The following HSPA12A variants were observed in gnomAD, a reference collection of about 807,000 sequenced individuals.
HSPA12A encodes heat shock protein family A (Hsp70) member 12A, also known as heat shock 70 kDa protein 12A.
Under a neutral mutation model 69.2 loss-of-function variants are expected in HSPA12A, and 28 were observed. The observed-to-expected ratio is 0.40, with a 90% CI of 0.30 to 0.55. HSPA12A has a LOEUF of 0.55. Ranked by LOEUF, HSPA12A falls within the 20% of genes least tolerant of loss-of-function variation. HSPA12A has a pLI of 0.38. For missense variants in HSPA12A, 686 were observed against 900.7 expected (o/e 0.76, Z 3.05); for synonymous variants, 345 against 370.5 (o/e 0.93, Z 0.79).
In HSPA12A at chr10:116,676,424, G is replaced by A. The variant is rs181977065; in HGVS notation, c.1365C>T (p.Thr455=). 4.8e-5 allele frequency: 77 copies of A among 1,613,902 alleles called. No homozygotes were observed. Among genetic ancestry groups the A allele is most frequent in the Non-Finnish European group, 6.0e-5 (71 of 1,179,954 alleles). ...PDAMNALFKP[T]IDSIIEHLRD... is the part of the protein sequence containing the mutation. ...GGAGATGCTCAATGATGCTATCGAT[G>A]GTCGGCTTAAAAAGGGCGTTCATGG... Residue 455 remains threonine, a synonymous_variant, in exon 11 of 12, where the codon ACC becomes ACT. Transcript: ENST00000369209.
At chr10:116,740,637 CGTGTGT>C (rs60427815) in intron 1 of HSPA12A, among the ~76,000 whole-genome samples, 3,652 of 137,644 alleles carry the variant, frequency 0.027, 100 homozygotes, top group African/African-American at 0.075. Flanking sequence ...CTCCCAGCAC[CGTGTGT>C]GTGTGTGTGT....
At chr10:116,841,713 A>T (rs184429588) in intron 1 of HSPA12A, among the ~76,000 whole-genome samples, 7 of 152,284 alleles carry the variant, frequency 4.6e-5, no homozygotes, top group African/African-American at 1.7e-4. Context: ...GCTAAAAAAA[A>T]TACTGAGAAT....
At chr10:116,709,938 A>G (rs1342132358) in intron 1 of HSPA12A, among the ~76,000 whole-genome samples, 3 of 152,370 alleles carry the variant, frequency 2.0e-5, no homozygotes, top group Middle Eastern at 3.4e-3. Flanking sequence ...TCTGATTTCT[A>G]TTAGCACCCA....
intron 2 of HSPA12A, among the ~76,000 whole-genome samples, chr10:116,768,238 G>C (rs1159109301): frequency 6.6e-6 from 1 of 152,214 alleles, no homozygotes; most frequent in Admixed American, 6.5e-5. Flanking sequence ...CTAAGTGAAA[G>C]AAGCCAGATG....
rs369540871 is a variant in HSPA12A at position 116,733,395 on chromosome 10, G to A, written c.40+9035C>T. On this transcript the variant is annotated intron_variant, in intron 1 of 11. Transcript: ENST00000369209. ...TTCCCTGTCCCAAACAGAACCAGCC[G>A]CCTGGGTACAGGAACCACTGTTCCT... Among the ~76,000 whole-genome samples, 141 of 152,302 alleles carry A rather than the reference G, an allele frequency of 9.3e-4. 2 individuals carry two copies. The South Asian group carries it at 0.027, about 29-fold the overall frequency.
At chr10:116,781,377 T>C (rs1362023158) in intron 2 of HSPA12A, among the ~76,000 whole-genome samples, 1 of 152,168 alleles carries the variant, frequency 6.6e-6, no homozygotes, top group Non-Finnish European at 1.5e-5. Context: ...ATGATGATGA[T>C]GATGAATGCC....
chr10:116,705,414 C>G (rs146048370), intron 2 of HSPA12A, 136 bp from the exon 3 acceptor site: 1 of 1,089,914 alleles, frequency 9.2e-7, no homozygotes, highest in African/African-American at 1.5e-5. Flanking sequence ...CAGCTCAAGT[C>G]TACCACCTGG....
intron 4 of HSPA12A, 89 bp from the exon 5 acceptor site, chr10:116,698,828 G>T: frequency 1.0e-6 from 1 of 989,640 alleles, no homozygotes; most frequent in East Asian, 2.4e-5. Context: ...GGGACCTAGA[G>T]GATCCTGGTG....
intron 2 of HSPA12A, among the ~76,000 whole-genome samples, chr10:116,802,239 A>G (rs1196655391): frequency 6.6e-6 from 1 of 152,202 alleles, no homozygotes; most frequent in Non-Finnish European, 1.5e-5. Context: ...AGAGTAGGAC[A>G]ATAATCAGTG....
chr10:116,771,305 C>T (rs953222932), intron 2 of HSPA12A, among the ~76,000 whole-genome samples: 5 of 152,216 alleles, frequency 3.3e-5, no homozygotes, highest in Non-Finnish European at 5.9e-5. Context: ...CATCAGCAGC[C>T]GCTGGCTGTG....
chr10:116,711,102 A>G (rs1302054691), intron 1 of HSPA12A, among the ~76,000 whole-genome samples: 4 of 152,220 alleles, frequency 2.6e-5, no homozygotes, highest in African/African-American at 9.6e-5. Context: ...GGAATGCCCT[A>G]TACATACCAA....
intron 2 of HSPA12A, among the ~76,000 whole-genome samples, chr10:116,807,197 C>A (rs1319844589): frequency 6.6e-6 from 1 of 151,672 alleles, no homozygotes; most frequent in Non-Finnish European, 1.5e-5. Context: ...TCGGTGGGCT[C>A]AGCCAGTGCA....
At chr10:116,848,529 C>T (rs1344269302) in intron 1 of HSPA12A, among the ~76,000 whole-genome samples, 1 of 152,160 alleles carries the variant, frequency 6.6e-6, no homozygotes, top group Non-Finnish European at 1.5e-5. Flanking sequence ...TGTAACTGAT[C>T]TGCTTAGGTA....
chr10:116,767,720 C>T (rs1375787452), intron 2 of HSPA12A, among the ~76,000 whole-genome samples: 2 of 152,226 alleles, frequency 1.3e-5, no homozygotes, highest in African/African-American at 4.8e-5. Context: ...GGGGCTTTAA[C>T]CAAAATCCCA....
chr10:116,682,973 G>C (rs1172521662), intron 7 of HSPA12A, among the ~76,000 whole-genome samples: 2 of 151,260 alleles, frequency 1.3e-5, no homozygotes, highest in Non-Finnish European at 2.9e-5. Context: ...AAAGTGCTGG[G>C]ATTACAGGTG....
chr10:116,817,541 T>A lies in HSPA12A; in HGVS notation c.91+17394A>T, dbSNP rs113080579. ...TGTGTGTGGGTGGGGGTGGGGGGGATGGCATATTCATACCTACACATAATG... is the reference window on the plus strand; with the variant it reads ...TGTGTGTGGGTGGGGGTGGGGGGGAAGGCATATTCATACCTACACATAATG... On this transcript the variant is annotated intron_variant, in intron 2 of 12. Coordinates refer to the HSPA12A transcript ENST00000635765. Among the ~76,000 whole-genome samples, 624 of 146,626 alleles carry A rather than the reference T, an allele frequency of 4.3e-3. 3 individuals carry two copies. The highest frequency in any genetic ancestry group is 0.026 in the South Asian group (114 of 4,460).
intron 2 of HSPA12A, among the ~76,000 whole-genome samples, chr10:116,817,499 A>C (rs1465378338): frequency 1.5e-5 from 2 of 132,744 alleles, no homozygotes; most frequent in Non-Finnish European, 3.1e-5. Flanking sequence ...AGGCTCTGGC[A>C]GAGGAAATCC....
chr10:116,743,372 C>T (rs1554887543), upstream of HSPA12A, among the ~76,000 whole-genome samples: 1 of 152,232 alleles, frequency 6.6e-6, no homozygotes, highest in Non-Finnish European at 1.5e-5. Context: ...GCGGTGTCAC[C>T]ACCCTGCCTT....
At chr10:116,718,557 A>C (rs145132571) in intron 1 of HSPA12A, among the ~76,000 whole-genome samples, 171 of 152,254 alleles carry the variant, frequency 1.1e-3, no homozygotes, top group African/African-American at 3.5e-3. Context: ...GAGACATCCC[A>C]AAACAGTTGT....
Sources: gnomAD v4.1 joint callset for allele counts (sites outside exome capture counted in the v4.1 genomes callset) on GRCh38, gnomAD v4.1.1 for gene constraint, MANE v1.5 for transcripts, NCBI Gene and HGNC (gene_info 2026-07-23, HGNC 2026-07-21) for gene names.